RSU1: variants seen among roughly 807,000 people sequenced by gnomAD.
The protein encoded by RSU1 is rsu-1.
RSU1 carries 26 observed loss-of-function variants against 31.1 expected under a neutral mutation model. The observed-to-expected ratio is 0.84, with a 90% CI of 0.61 to 1.16. The LOEUF (loss-of-function observed/expected upper bound fraction) is 1.16. Among genes scored for constraint, RSU1 ranks in the 50% most tolerant of loss-of-function variants. The pLI is 0.00. For missense variants in RSU1, 320 were observed against 339.1 expected, an observed-to-expected ratio of 0.94 and a Z score of 0.44; for synonymous variants, 164 against 136.3, an observed-to-expected ratio of 1.20 and a Z score of -1.41.
intron 7 of RSU1, among the ~76,000 whole-genome samples, chr10:16,740,497 G>C (rs1171774891): frequency 1.3e-5 from 2 of 152,064 alleles, no homozygotes; most frequent in African/African-American, 4.8e-5. Flanking sequence ...TGCAGCCAAA[G>C]TAATTGCCAA....
chr10:16,614,362 G>A (rs1281408609), intron 8 of RSU1, among the ~76,000 whole-genome samples: 2 of 151,998 alleles, frequency 1.3e-5, no homozygotes, highest in African/African-American at 4.8e-5. Context: ...CCGGAGGCTG[G>A]AAGGGGTAGT....
intron 8 of RSU1, among the ~76,000 whole-genome samples, chr10:16,616,048 G>C (rs978159672): frequency 6.6e-6 from 1 of 151,940 alleles, no homozygotes; most frequent in South Asian, 2.1e-4. Flanking sequence ...GTCAGAGACA[G>C]GAAAAACCCT....
intron 8 of RSU1, among the ~76,000 whole-genome samples, chr10:16,665,687 T>C (rs1466924400): frequency 1.3e-5 from 2 of 152,186 alleles, no homozygotes; most frequent in East Asian, 3.8e-4. Flanking sequence ...TGCATTTTTT[T>C]CCCCATGGAG....
chr10:16,751,334 G>C (rs1588511808), intron 7 of RSU1, among the ~76,000 whole-genome samples: 1 of 152,270 alleles, frequency 6.6e-6, no homozygotes, highest in Admixed American at 6.5e-5. Context: ...TAATCCTCTA[G>C]GTGGATTTTT....
At chr10:16,807,721 C>T (rs1401016960) in intron 2 of RSU1, among the ~76,000 whole-genome samples, 1 of 152,156 alleles carries the variant, frequency 6.6e-6, no homozygotes, top group Non-Finnish European at 1.5e-5. Context: ...TTGCTTAACA[C>T]AGTGTTTTAA....
In RSU1 at chr10:16,796,847, G is replaced by A. The variant is rs151329522; in HGVS notation, c.110-14763C>T. Among the ~76,000 whole-genome samples the A allele has an allele frequency of 2.8e-3, 427 of 152,232 alleles. 3 individuals carry two copies. The highest frequency in any genetic ancestry group is 9.9e-3 in the African/African-American group (413 of 41,538). On this transcript the variant is annotated intron_variant, in intron 2 of 8. Coordinates refer to ENST00000345264, the MANE Select transcript of RSU1 (RefSeq NM_012425.4). ...ATTTACAACAAAACTAGGTTATAAA[G>A]TGTCCCCACAAAAAACTCCAAAATA...
At chr10:16,781,635 A>G (rs61843964) in intron 3 of RSU1, among the ~76,000 whole-genome samples, 24,074 of 152,176 alleles carry the variant, frequency 0.16, 3,551 homozygotes, top group African/African-American at 0.38. Flanking sequence ...CTCTGAATGG[A>G]ACCACTTCCA....
chr10:16,621,962 T>C (rs1834078410), intron 8 of RSU1, among the ~76,000 whole-genome samples: 1 of 152,144 alleles, frequency 6.6e-6, no homozygotes, highest in Admixed American at 6.6e-5. Flanking sequence ...AGAACTGAAC[T>C]TATTAAAGGA....
intron 8 of RSU1, among the ~76,000 whole-genome samples, chr10:16,606,670 A>G (rs1397356587): frequency 2.6e-5 from 4 of 152,182 alleles, no homozygotes; most frequent in Non-Finnish European, 5.9e-5. Flanking sequence ...GCCTTAAGCA[A>G]TATCACGTGA....
At chr10:16,797,720 G>C (rs952309937) in intron 2 of RSU1, among the ~76,000 whole-genome samples, 4 of 151,166 alleles carry the variant, frequency 2.6e-5, no homozygotes, top group Admixed American at 2.0e-4. Context: ...AGCAATAAAG[G>C]GACAAAACTT....
At chr10:16,685,449 G>A (rs1835424212) in intron 8 of RSU1, among the ~76,000 whole-genome samples, 1 of 152,164 alleles carries the variant, frequency 6.6e-6, no homozygotes, top group Non-Finnish European at 1.5e-5. Flanking sequence ...ACAGCCCCAA[G>A]GGCTGCTGTT....
At chr10:16,710,988 A>C (rs1411047841) in intron 7 of RSU1, among the ~76,000 whole-genome samples, 1 of 152,228 alleles carries the variant, frequency 6.6e-6, no homozygotes, top group East Asian at 1.9e-4. Flanking sequence ...CCTGCAAAGG[A>C]CATAAAGTCT....
At chr10:16,680,633 G>A (rs1219843647) in intron 8 of RSU1, among the ~76,000 whole-genome samples, 2 of 151,926 alleles carry the variant, frequency 1.3e-5, no homozygotes. Context: ...GAGGGAGGGA[G>A]GTGGCACACA....
intron 2 of RSU1, among the ~76,000 whole-genome samples, chr10:16,786,300 G>C (rs77777471): frequency 0.11 from 17,036 of 152,210 alleles, 1,332 homozygotes; most frequent in East Asian, 0.23. Context: ...ATTATTTACA[G>C]TGATGGTTAA....
At chr10:16,642,726 A>G (rs1384796253) in intron 8 of RSU1, among the ~76,000 whole-genome samples, 1 of 152,154 alleles carries the variant, frequency 6.6e-6, no homozygotes, top group Non-Finnish European at 1.5e-5. Flanking sequence ...TCTTAAACCT[A>G]TTTCCAAAAG....
chr10:16,741,368 A>G (rs540571307), intron 7 of RSU1, among the ~76,000 whole-genome samples: 2 of 152,308 alleles, frequency 1.3e-5, no homozygotes, highest in African/African-American at 4.8e-5. Flanking sequence ...TAGGGCTAGG[A>G]GAGATGGACG....
At chr10:16,764,049 T>A (rs1588519917) in intron 4 of RSU1, among the ~76,000 whole-genome samples, 1 of 151,986 alleles carries the variant, frequency 6.6e-6, no homozygotes, top group Admixed American at 6.5e-5. Context: ...GAAAAAGAAA[T>A]CAGCCATATT....
intron 2 of RSU1, among the ~76,000 whole-genome samples, chr10:16,806,921 T>A (rs1838282697): frequency 6.6e-6 from 1 of 152,150 alleles, no homozygotes; most frequent in Admixed American, 6.5e-5. Flanking sequence ...ACCCAGCTAA[T>A]TCTTGTATTG....
chr10:16,743,364 A>G (rs1396310109), intron 7 of RSU1, among the ~76,000 whole-genome samples: 3 of 152,198 alleles, frequency 2.0e-5, no homozygotes. Context: ...GGCCTTAGGC[A>G]AGTCACAATC....
Sources: gnomAD v4.1 joint callset for allele counts (sites outside exome capture counted in the v4.1 genomes callset) on GRCh38, gnomAD v4.1.1 for gene constraint, MANE v1.5 for transcripts, NCBI Gene and HGNC (gene_info 2026-07-23, HGNC 2026-07-21) for gene names.